Variants in ANKZF1 observed in about 807,000 individuals in gnomAD.
ANKZF1 encodes ankyrin repeat and zinc finger peptidyl tRNA hydrolase 1.
A neutral mutation model predicts 86.0 loss-of-function variants in ANKZF1; 84 were observed. That is an observed-to-expected ratio of 0.98 (90% CI 0.82 to 1.17). ANKZF1 has a LOEUF of 1.17. Among genes scored for constraint, ANKZF1 ranks in the 50% most tolerant of loss-of-function variants. ANKZF1 has a pLI of 0.00. For synonymous variants in ANKZF1, 331 were observed against 354.2 expected (o/e 0.93, Z 0.74); for missense variants, 893 against 918.4 (o/e 0.97, Z 0.36).
chr2:219,235,196 TC>T lies in ANKZF1; in HGVS notation c.1576del (p.Leu526CysfsTer81). ...GCCCTGCAGACCCTAGAGTTCTGTC[TC>T]TGCTCAGTGCCCCCTTGGGCTCCGG... ...PSPADPRVLS[L>X]LSAPLGSGGF... On this transcript the variant is annotated frameshift_variant, in exon 10 of 14. Transcript: ENST00000323348. LOFTEE classifies it high-confidence loss of function. 6.2e-7 allele frequency: 1 copy of T among 1,614,114 alleles called. No homozygotes were observed. Among genetic ancestry groups the T allele is most frequent in the Non-Finnish European group, 8.5e-7 (1 of 1,180,024 alleles).
chr2:219,231,756 GTGAT>G (rs1951043937), intron 2 of ANKZF1, 168 bp from the exon 3 acceptor site: 1 of 578,076 alleles, frequency 1.7e-6, no homozygotes, highest in Non-Finnish European at 3.1e-6. Flanking sequence ...ATTGCATTAA[GTGAT>G]TGCTGTACTG....
chr2:219,232,359 A>G lies in ANKZF1; in HGVS notation c.361A>G (p.Thr121Ala), dbSNP rs777010161. Residue 121 changes from threonine (T) to alanine (A), a missense_variant, in exon 4 of 14, where the codon ACA (threonine) becomes GCA (alanine). Coordinates refer to ENST00000323348, the MANE Select transcript of ANKZF1 (RefSeq NM_018089.3). The stretch of plus-strand genomic sequence containing the variant: ...CCTGGACTTTGAAAAGCAGAGCTCC[A>G]CAGGTGATGAGTGGTAGGGGGACCT... ...SALDFEKQSSTGDLSSISGSE... is the reference protein window; with the variant it reads ...SALDFEKQSSAGDLSSISGSE... The G allele has an allele frequency of 1.2e-6, 2 of 1,614,182 alleles. No individual in the cohort carries two copies. The highest frequency in any genetic ancestry group is 1.7e-5 in the Admixed American group (1 of 60,034).
intron 2 of ANKZF1, 105 bp downstream of exon 2, chr2:219,230,510 G>A: frequency 7.3e-7 from 1 of 1,375,108 alleles, no homozygotes; most frequent in Non-Finnish European, 9.7e-7. Context: ...GAGGCCAATT[G>A]ATTTATCTTT....
intron 7 of ANKZF1, 30 bp downstream of exon 7, chr2:219,233,463 C>A: frequency 1.3e-6 from 2 of 1,553,924 alleles, no homozygotes; most frequent in East Asian, 2.3e-5. Context: ...TCTGGTGGTA[C>A]TGATCCATAC....
At position 219,236,046 on chromosome 2, in the gene ANKZF1, T is replaced by C. The variant is rs756550552; in HGVS notation, c.2008T>C (p.Leu670=). ...LAAERRLAAQ[L]GAPTSPIPDS... ...TGCAGAGCGCCGACTCGCTGCCCAG[T>C]TGGGAGCCCCTACCTCTCCAATCCC... Residue 670 remains leucine, a synonymous_variant, in exon 13 of 14, where the codon TTG becomes CTG. Coordinates refer to ENST00000323348, the MANE Select transcript of ANKZF1 (RefSeq NM_018089.3). 5.6e-6 allele frequency: 9 copies of C among 1,614,200 alleles called. No individual in the cohort carries two copies. The South Asian group carries it at 7.7e-5, about 14-fold the overall frequency.
chr2:219,235,760 G>A lies in ANKZF1; in HGVS notation c.1856G>A (p.Arg619Lys), dbSNP rs945752986. Residue 619 changes from arginine to lysine, a missense_variant, in exon 12 of 14, where the codon AGG (arginine) becomes AAG (lysine). Transcript: ENST00000323348. ...EMEARQATRK[R>K]EQKAARRQRE... ...GAGGCACGGCAGGCTACACGGAAAA[G>A]GGAGCAGAAGGCAGCCCGGCGGCAA... The A allele has an allele frequency of 6.2e-7, 1 of 1,614,090 alleles. No homozygotes were observed. Among genetic ancestry groups the A allele is most frequent in the Non-Finnish European group, 8.5e-7 (1 of 1,180,048 alleles).
chr2:219,235,153 A>G lies in ANKZF1; in HGVS notation c.1532A>G (p.Lys511Arg). ...CGAGCTGGAGATGTTGGAGTGCTAA[A>G]GCTGCAGCTAGCTCCCAGCCCTGCA... ...ACRAGDVGVL[K>R]LQLAPSPADP... Residue 511 changes from lysine (K) to arginine (R), a missense_variant, in exon 10 of 14, where the codon AAG (lysine) becomes AGG (arginine). Transcript: ENST00000323348. 1 of 1,614,152 alleles carries G rather than the reference A, an allele frequency of 6.2e-7. No homozygotes were observed. Among genetic ancestry groups the G allele is most frequent in the Non-Finnish European group, 8.5e-7 (1 of 1,180,020 alleles).
chr2:219,233,232 T>C (rs752939026), intron 6 of ANKZF1, 41 bp downstream of exon 6: 4 of 1,614,238 alleles, frequency 2.5e-6, no homozygotes, highest in East Asian at 2.2e-5. Flanking sequence ...GAGTGGATCC[T>C]GTTAGCCAGG....
rs1360470858 is a variant in ANKZF1, at chr2:219,232,202, TACA to T, written c.262-56_262-54del. The stretch of plus-strand genomic sequence containing the variant: ...GAATACTATAACTGGTCTTGGCCAG[TACA>T]AGGCCAGGCTGGGGCATATTTCCAC... On this transcript the variant is annotated intron_variant, in intron 3 of 13. Coordinates refer to ENST00000323348, the MANE Select transcript of ANKZF1 (RefSeq NM_018089.3). The T allele has an allele frequency of 3.2e-6, 5 of 1,561,032 alleles. No individual in the cohort carries two copies. The East Asian group carries it at 9.0e-5, about 28-fold the overall frequency.
chr2:219,236,323 C>T lies in ANKZF1; in HGVS notation c.2059C>T (p.Arg687Cys), dbSNP rs199744152. ...IPDSAIVNTR[R>C]CWSCGASLQG... ...GCCATTTTTCTTCCTCTTGTTCAGA[C>T]GCTGCTGGAGTTGTGGGGCATCCCT... Residue 687 changes from arginine to cysteine, a missense_variant and splice_region_variant, in exon 14 of 14, where the codon CGC (arginine) becomes TGC (cysteine). Physicochemically the swap from Arg to Cys is radical, Grantham distance 180. Transcript: ENST00000323348. 351 of 1,614,030 alleles carry T rather than the reference C, an allele frequency of 2.2e-4. 1 individual carries two copies. The highest frequency in any genetic ancestry group is 2.3e-4 in the Non-Finnish European group (276 of 1,180,028).
chr2:219,230,322 A>G lies in ANKZF1; in HGVS notation c.65A>G (p.Asp22Gly), dbSNP rs2106453785. Residue 22 changes from aspartate to glycine, a missense_variant, in exon 2 of 14, where the codon GAT (aspartate) becomes GGT (glycine). Coordinates refer to ENST00000323348, the MANE Select transcript of ANKZF1 (RefSeq NM_018089.3). ...ATCTCCCTGTTTGACCTCAGCGCGGATGCTCCGGTCTTTCAGGGCCTGAGC... is the reference window on the plus strand; with the variant it reads ...ATCTCCCTGTTTGACCTCAGCGCGGGTGCTCCGGTCTTTCAGGGCCTGAGC... Reference protein sequence around the residue: ...ASISLFDLSADAPVFQGLSLV... With the variant: ...ASISLFDLSAGAPVFQGLSLV... 2 of 1,614,092 alleles carry G rather than the reference A, an allele frequency of 1.2e-6. No homozygotes were observed. Among genetic ancestry groups the G allele is most frequent in the East Asian group, 4.5e-5 (2 of 44,870 alleles).
Position 219,233,394 on chromosome 2 carries a change from A to C in ANKZF1, c.780A>C (p.Gly260=). 1 of 1,614,172 alleles carries C rather than the reference A, an allele frequency of 6.2e-7. No individual in the cohort carries two copies. Among genetic ancestry groups the C allele is most frequent in the Non-Finnish European group, 8.5e-7 (1 of 1,179,990 alleles). The part of the protein sequence containing the change: ...DARGGPSHSA[G]ANLRRYNEAT... ...GAGGTGGGCCATCACACTCTGCTGG[A>C]GCCAACCTGAGGCGCTACAATGAAG... is the stretch of plus-strand genomic sequence containing the variant. The change falls in exon 7 of 14, where the codon GGA becomes GGC. Residue 260 remains glycine, a synonymous_variant. Coordinates refer to ENST00000323348, the MANE Select transcript of ANKZF1 (RefSeq NM_018089.3).
Position 219,235,768 on chromosome 2 carries a change from A to T in ANKZF1, c.1864A>T (p.Lys622Ter), listed in dbSNP as rs938592227. The change falls in exon 12 of 14, where the codon AAG becomes TAG. Residue 622 changes from lysine (K) to a stop codon, truncating the protein, a stop_gained. Coordinates refer to ENST00000323348, the MANE Select transcript of ANKZF1 (RefSeq NM_018089.3). LOFTEE classifies it high-confidence loss of function. ...GCAGGCTACACGGAAAAGGGAGCAG[A>T]AGGCAGCCCGGCGGCAACGGGAGGA... The part of the protein sequence containing the change: ...ARQATRKREQ[K>*]AARRQREEQQ... 2 of 1,614,102 alleles carry T rather than the reference A, an allele frequency of 1.2e-6. No homozygotes were observed. The highest frequency in any genetic ancestry group is 1.7e-6 in the Non-Finnish European group (2 of 1,180,052).
chr2:219,232,995 GATA>G (rs1251368694), intron 5 of ANKZF1, 81 bp from the exon 6 acceptor site: 2 of 1,271,796 alleles, frequency 1.6e-6, no homozygotes, highest in Non-Finnish European at 2.3e-6. Flanking sequence ...TATTAAATGA[GATA>G]ATGTTTGTGA....
At chr2:219,231,617 A>G (rs749781438) in intron 2 of ANKZF1, 5 of 291,230 alleles carry the variant, frequency 1.7e-5, no homozygotes, top group Non-Finnish European at 3.3e-5. Flanking sequence ...GATGGTCTTG[A>G]TCTCCTGACT....
Position 219,235,537 on chromosome 2 carries a change from A to G in ANKZF1, c.1755A>G (p.Arg585=), listed in dbSNP as rs1451179068. Residue 585 remains arginine (R), a synonymous_variant, in exon 11 of 14, where the codon CGA becomes CGG. Transcript: ENST00000323348. ...ACAAATCAACACGTAATGAGTTCCG[A>G]AGGTTCATGGAGAAGAATCCAGATG... ...AADKSTRNEF[R]RFMEKNPDAY... 6.2e-6 allele frequency: 10 copies of G among 1,613,878 alleles called. No individual in the cohort carries two copies. The highest frequency in any genetic ancestry group is 7.6e-6 in the Non-Finnish European group (9 of 1,180,016).
chr2:219,232,940 C>T, intron 5 of ANKZF1, 139 bp from the exon 6 acceptor site: 1 of 951,294 alleles, frequency 1.1e-6, no homozygotes, highest in Middle Eastern at 3.4e-4. Context: ...CGCCAAGCCT[C>T]AAATTTCCTT....
In ANKZF1 at chr2:219,233,322, T is replaced by C; in HGVS notation, c.708T>C (p.Tyr236=). The C allele has an allele frequency of 6.2e-7, 1 of 1,614,244 alleles. No individual in the cohort carries two copies. Among genetic ancestry groups the C allele is most frequent in the African/African-American group, 1.3e-5 (1 of 75,058 alleles). The stretch of plus-strand genomic sequence containing the variant: ...TGACACACAAAACTTTTCACCGCTA[T>C]ACGGTTCGGGCCAAGCGGGGCACAG... The part of the protein sequence containing the change: ...EVVTHKTFHR[Y]TVRAKRGTAQ... Residue 236 remains tyrosine, a synonymous_variant, in exon 7 of 14, where the codon TAT becomes TAC. Coordinates refer to ENST00000323348, the MANE Select transcript of ANKZF1 (RefSeq NM_018089.3).
Position 219,233,087 on chromosome 2 carries a change from A to G in ANKZF1, c.567A>G (p.Pro189=). Residue 189 remains proline, a synonymous_variant, in exon 6 of 14, where the codon CCA becomes CCG. Transcript: ENST00000323348. ...GCTTCTCTGTCATCAAGGATCCCCC[A>G]GAAGAGGCAGAACTGCTGCTACAGA... is the stretch of plus-strand genomic sequence containing the variant. ...RCVLGPHQDP[P]EEAELLLQNL... is the part of the protein sequence containing the mutation. 6.2e-7 allele frequency: 1 copy of G among 1,613,796 alleles called. No individual in the cohort carries two copies. The highest frequency in any genetic ancestry group is 1.1e-5 in the South Asian group (1 of 91,074).
Sources: allele counts gnomAD v4.1 joint callset, GRCh38; gene constraint gnomAD v4.1.1; transcripts MANE v1.5; gene names NCBI Gene and HGNC (gene_info 2026-07-23, HGNC 2026-07-21).